Variants in WASHC2A observed in about 807,000 individuals in gnomAD.
WASHC2A encodes the protein WASH complex subunit 2A.
WASHC2A carries 82 observed loss-of-function variants against 140.3 expected under a neutral mutation model. The ratio of observed to expected loss-of-function variants is 0.58; its 90% confidence interval spans 0.49 to 0.70. The LOEUF is 0.70. WASHC2A is among the 30% of genes least tolerant of loss of function. The probability of loss-of-function intolerance (pLI) is 0.00; values close to 1 mark genes in which losing one functional copy is unlikely to be tolerated. For synonymous variants in WASHC2A, 340 were observed against 560.8 expected, an observed-to-expected ratio of 0.61 and a Z score of 5.56; for missense variants, 985 against 1,521.8, an observed-to-expected ratio of 0.65 and a Z score of 5.87.
chr10:50,112,182 C>T (rs1406326431), intron 20 of WASHC2A: 1 of 980,880 alleles, frequency 1.0e-6, no homozygotes, highest in Non-Finnish European at 1.2e-6. Flanking sequence ...TGTCCACTAC[C>T]CCCACCCCAC....
At chr10:50,109,890 C>T (rs1842125368) in intron 19 of WASHC2A, among the ~76,000 whole-genome samples, 1 of 152,046 alleles carries the variant, frequency 6.6e-6, no homozygotes, top group South Asian at 2.1e-4. Flanking sequence ...CTGCCTCAGC[C>T]TCCCGAGTAG....
At position 50,083,643 on chromosome 10, in the gene WASHC2A, G is replaced by A. The variant is rs1323655880; in HGVS notation, c.529-429G>A. The stretch of plus-strand genomic sequence containing the variant: ...TGCAATCTCAGCTCACTGCAACACT[G>A]TTTCCTGGGTTCAAGTGATTCTCCT... On this transcript the variant is annotated intron_variant, in intron 5 of 30. Coordinates refer to ENST00000282633, the MANE Select transcript of WASHC2A (RefSeq NM_001005751.3). Among the ~76,000 whole-genome samples, 5 of 110,812 alleles carry A rather than the reference G, an allele frequency of 4.5e-5. No homozygotes were observed. In the Admixed American group the frequency reaches 4.7e-4, roughly 10 times the overall value. The allele number at this position is 110,812 out of a possible 152,430, so 72.7% of individuals were successfully genotyped here.
intron 7 of WASHC2A, among the ~76,000 whole-genome samples, chr10:50,086,370 A>G (rs1285489326): frequency 4.0e-5 from 6 of 151,602 alleles, no homozygotes; most frequent in African/African-American, 1.2e-4. Flanking sequence ...TGGCACTTCT[A>G]TGTGGCACTT....
At chr10:50,132,758 C>A (rs1190448652) in intron 30 of WASHC2A, 48 bp from the exon 31 acceptor site, 1 of 1,611,918 alleles carries the variant, frequency 6.2e-7, no homozygotes, top group Non-Finnish European at 8.5e-7. Flanking sequence ...TTAAAAGTAC[C>A]TTTCTCCACC....
intron 19 of WASHC2A, 59 bp downstream of exon 19, chr10:50,106,524 G>T (rs1841798744): frequency 6.2e-7 from 1 of 1,602,338 alleles, no homozygotes; most frequent in South Asian, 1.1e-5. Context: ...AAGAGTTAAA[G>T]CCATCCCAAG....
In WASHC2A at chr10:50,067,964, G is replaced by A. The variant is rs781862399; in HGVS notation, c.-42G>A. On this transcript the variant is annotated 5_prime_UTR_variant, in exon 1 of 31. It adds an upstream start codon to the 5' untranslated region. Coordinates refer to ENST00000282633, the MANE Select transcript of WASHC2A (RefSeq NM_001005751.3). ...CTTCCGGGGCTCTGCAGTCCTCGGC[G>A]TGTGCTGGCAGCTTCGGAGCCCACC... 1.9e-6 allele frequency: 3 copies of A among 1,596,878 alleles called. No individual in the cohort carries two copies. The highest frequency in any genetic ancestry group is 2.6e-6 in the Non-Finnish European group (3 of 1,173,682).
At position 50,129,548 on chromosome 10, in the gene WASHC2A, G is replaced by A. The variant is rs762888924; in HGVS notation, c.3217G>A (p.Ala1073Thr). The change falls in exon 29 of 31, where the codon GCC becomes ACC. Residue 1073 changes from alanine to threonine, a missense_variant. Transcript: ENST00000282633. The part of the protein sequence containing the change: ...RGPIAQWADG[A>T]ISPNGHRPQL... ...ACCCATTGCACAGTGGGCTGATGGC[G>A]CCATTTCCCCAAATGGCCATCGGCC... 3 of 1,611,982 alleles carry A rather than the reference G, an allele frequency of 1.9e-6. No individual in the cohort carries two copies. The highest frequency in any genetic ancestry group is 1.1e-5 in the South Asian group (1 of 90,978).
intron 8 of WASHC2A, among the ~76,000 whole-genome samples, chr10:50,088,989 G>T (rs2132522032): frequency 8.6e-6 from 1 of 116,666 alleles, no homozygotes. Context: ...TTTTGAGACA[G>T]AGTCTCTCTC....
At chr10:50,111,626 T>G (rs1476357732) in intron 20 of WASHC2A, among the ~76,000 whole-genome samples, 13 of 152,164 alleles carry the variant, frequency 8.5e-5, no homozygotes, top group Non-Finnish European at 1.6e-4. Context: ...GCATCGTGAC[T>G]GCAGGGAAAT....
chr10:50,091,899 TAACAC>T (rs1839965537), intron 10 of WASHC2A, among the ~76,000 whole-genome samples: 1 of 152,156 alleles, frequency 6.6e-6, no homozygotes, highest in Non-Finnish European at 1.5e-5. Flanking sequence ...GGTAGAAAGA[TAACAC>T]AATAATTCTT....
At chr10:50,108,876 T>C (rs1434038321) in intron 19 of WASHC2A, among the ~76,000 whole-genome samples, 1 of 96,444 alleles carries the variant, frequency 1.0e-5, no homozygotes, top group African/African-American at 4.2e-5. Flanking sequence ...AGCAAGACTC[T>C]GTCTCGAAAA....
chr10:50,073,040 AC>A lies in WASHC2A; in HGVS notation c.291+3331del, dbSNP rs548866836. ...ACTTTTTAGGGCAAGAGAAATTAAT[AC>A]CATTAGTAAAGGCTCAAGAGGGGAC... On this transcript the variant is annotated intron_variant, in intron 3 of 30. Coordinates refer to ENST00000282633, the MANE Select transcript of WASHC2A (RefSeq NM_001005751.3). 5.4e-4 allele frequency among the ~76,000 whole-genome samples: 82 copies of A among 152,338 alleles called. 1 individual carries two copies. In the South Asian group the frequency reaches 0.017, roughly 31 times the overall value.
chr10:50,124,709 T>C (rs2133055650), intron 23 of WASHC2A, among the ~76,000 whole-genome samples: 1 of 151,736 alleles, frequency 6.6e-6, no homozygotes, highest in East Asian at 1.9e-4. Context: ...TTCTTCCCTT[T>C]GGAAATGAGA....
At chr10:50,106,920 T>TG (rs782325238) in intron 19 of WASHC2A, among the ~76,000 whole-genome samples, 10 of 11,584 alleles carry the variant, frequency 8.6e-4, no homozygotes, top group African/African-American at 9.4e-4. Flanking sequence ...CGGACAGTTT[T>TG]GGGGAGCACG....
At chr10:50,083,297 G>C in intron 5 of WASHC2A, among the ~76,000 whole-genome samples, 1 of 116,838 alleles carries the variant, frequency 8.6e-6, no homozygotes. Flanking sequence ...ACTGTGCCCG[G>C]CCTAATCTAT....
At chr10:50,124,840 A>T (rs1173297588) in intron 23 of WASHC2A, among the ~76,000 whole-genome samples, 6 of 151,390 alleles carry the variant, frequency 4.0e-5, no homozygotes, top group Non-Finnish European at 8.8e-5. Context: ...AATATATATA[A>T]CCTGGAAAGA....
chr10:50,127,957 C>T (rs1484524475), intron 28 of WASHC2A, among the ~76,000 whole-genome samples, 162 bp downstream of exon 28: 1 of 152,112 alleles, frequency 6.6e-6, no homozygotes, highest in Admixed American at 6.6e-5. Flanking sequence ...CTCCCCACCC[C>T]CCTCATCCTG....
intron 13 of WASHC2A, among the ~76,000 whole-genome samples, chr10:50,094,204 TTGAA>T (rs1554883947): frequency 6.6e-6 from 1 of 150,526 alleles, no homozygotes; most frequent in African/African-American, 2.4e-5. Context: ...ATGGTTTTCA[TTGAA>T]TGAAGTTTAA....
chr10:50,104,474 G>A (rs1297845405), intron 18 of WASHC2A, among the ~76,000 whole-genome samples: 9 of 150,488 alleles, frequency 6.0e-5, no homozygotes, highest in Admixed American at 5.3e-4. Context: ...CTCCTGCCTC[G>A]ACCTCCCAAG....
Sources: gnomAD v4.1 joint callset for allele counts (sites outside exome capture counted in the v4.1 genomes callset) on GRCh38, gnomAD v4.1.1 for gene constraint, MANE v1.5 for transcripts, NCBI Gene and HGNC (gene_info 2026-07-23, HGNC 2026-07-21) for gene names.